The following DMD variants were observed in gnomAD, a reference collection of about 807,000 sequenced individuals.
The protein encoded by DMD is dystrophin.
A neutral mutation model predicts 330.1 loss-of-function variants in DMD; 63 were observed. That is an observed-to-expected ratio of 0.19 (90% CI 0.16 to 0.24). DMD has a LOEUF of 0.24. Ranked by LOEUF, DMD falls within the 10% of genes least tolerant of loss-of-function variation. The probability of loss-of-function intolerance (pLI) is 1.00; values close to 1 mark genes in which losing one functional copy is unlikely to be tolerated. For synonymous variants in DMD, 1,223 were observed against 959.8 expected (o/e 1.27, Z -5.07); for missense variants, 3,344 against 2,684.1 (o/e 1.25, Z -5.43).
chrX:31,368,739 G>A (rs1251880962), intron 60 of DMD, among the ~76,000 whole-genome samples: 2 of 109,169 alleles, frequency 1.8e-5, no homozygotes, highest in East Asian at 3.0e-4. Flanking sequence ...TCTGCCTCCC[G>A]GGTTCAAGAG....
At chrX:31,588,437 G>T (rs1358358858) in intron 55 of DMD, among the ~76,000 whole-genome samples, 1 of 111,302 alleles carries the variant, frequency 9.0e-6, no homozygotes, top group Non-Finnish European at 1.9e-5. Flanking sequence ...CAGACAACCA[G>T]AGACCACTTT....
intron 13 of DMD, among the ~76,000 whole-genome samples, chrX:32,576,305 A>G (rs2053041997): frequency 9.0e-6 from 1 of 111,427 alleles, no homozygotes; most frequent in South Asian, 3.8e-4. Flanking sequence ...CAACCCCAGC[A>G]TGCGATTTTT....
At chrX:32,023,655 A>C (rs1293875) in intron 44 of DMD, among the ~76,000 whole-genome samples, 3,969 of 111,755 alleles carry the variant, frequency 0.036, 67 homozygotes, top group Non-Finnish European at 0.057. Context: ...ACATCACAGC[A>C]CTATTCACAA....
intron 64 of DMD, among the ~76,000 whole-genome samples, chrX:31,218,530 C>T (rs901267044): frequency 1.8e-5 from 2 of 111,792 alleles, no homozygotes; most frequent in Admixed American, 1.9e-4. Flanking sequence ...ACCAGTTAAA[C>T]TTGGCAACTA....
At chrX:31,160,153 C>T (rs998115133) in intron 74 of DMD, among the ~76,000 whole-genome samples, 3 of 110,085 alleles carry the variant, frequency 2.7e-5, no homozygotes, top group African/African-American at 9.9e-5. Context: ...AAAGAACTCC[C>T]GATAGCAAGT....
chrX:32,957,637 A>C (rs182197648), intron 2 of DMD, among the ~76,000 whole-genome samples: 12 of 111,675 alleles, frequency 1.1e-4, no homozygotes, highest in African/African-American at 3.2e-4. Flanking sequence ...TGGAACTCTG[A>C]CAGATATTGT....
chrX:31,451,783 T>C (rs1365840568), intron 59 of DMD, among the ~76,000 whole-genome samples: 1 of 110,195 alleles, frequency 9.1e-6, no homozygotes, highest in Non-Finnish European at 1.9e-5. Context: ...GTATCACTTA[T>C]GCTTCTGGTA....
At chrX:31,728,171 C>T (rs937528058) in intron 52 of DMD, among the ~76,000 whole-genome samples, 4 of 111,556 alleles carry the variant, frequency 3.6e-5, no homozygotes, top group Non-Finnish European at 7.5e-5. Flanking sequence ...TACAGGCGCC[C>T]GCCACCACGC....
At chrX:31,837,490 GA>G (rs1299537080) in intron 48 of DMD, among the ~76,000 whole-genome samples, 1 of 112,096 alleles carries the variant, frequency 8.9e-6, no homozygotes, top group Non-Finnish European at 1.9e-5. Flanking sequence ...CTCTCTTGAT[GA>G]GACGACAAAA....
intron 3 of DMD, among the ~76,000 whole-genome samples, chrX:32,847,076 A>G (rs2080755637): frequency 8.9e-6 from 1 of 112,114 alleles, no homozygotes; most frequent in African/African-American, 3.2e-5. Flanking sequence ...GATTGACAGT[A>G]TACAAGTTTA....
intron 2 of DMD, among the ~76,000 whole-genome samples, chrX:32,875,363 C>T (rs1054475161): frequency 1.8e-5 from 2 of 111,983 alleles, no homozygotes; most frequent in Non-Finnish European, 3.8e-5. Flanking sequence ...CCTTTTCCTC[C>T]AGCCTACACT....
At chrX:33,119,544 T>A (rs1193378384) in intron 1 of DMD, among the ~76,000 whole-genome samples, 1 of 112,156 alleles carries the variant, frequency 8.9e-6, no homozygotes. Flanking sequence ...GAAGAGGCAA[T>A]AGCAGTACAG....
At chrX:33,147,274 G>A (rs980893727) in intron 1 of DMD, among the ~76,000 whole-genome samples, 6 of 111,003 alleles carry the variant, frequency 5.4e-5, no homozygotes, top group African/African-American at 2.0e-4. Flanking sequence ...ATAAAACAGA[G>A]TTATTTTAAA....
intron 18 of DMD, among the ~76,000 whole-genome samples, chrX:32,515,959 T>G (rs1313039185): frequency 9.0e-6 from 1 of 111,680 alleles, no homozygotes; most frequent in Non-Finnish European, 1.9e-5. Context: ...GTTTAAAAGT[T>G]GCATTTTTTA....
chrX:32,907,233 A>C (rs933491964), intron 2 of DMD, among the ~76,000 whole-genome samples: 1 of 112,137 alleles, frequency 8.9e-6, no homozygotes, highest in Non-Finnish European at 1.9e-5. Context: ...CTACTTCAAA[A>C]TGCTTTGTTT....
intron 47 of DMD, among the ~76,000 whole-genome samples, chrX:31,902,237 A>G (rs2094431737): frequency 8.9e-6 from 1 of 111,857 alleles, no homozygotes; most frequent in African/African-American, 3.2e-5. Flanking sequence ...ATTGGTGATT[A>G]TTAAGACGGA....
chrX:31,640,330 G>T (rs1055234665), intron 54 of DMD, among the ~76,000 whole-genome samples: 1 of 112,291 alleles, frequency 8.9e-6, no homozygotes, highest in African/African-American at 3.2e-5. Flanking sequence ...CAACAAACAC[G>T]CTGGAAGGAG....
rs189124933 is a variant in DMD at position 33,019,177 on chromosome X, T to C, written c.93+962A>G. Among the ~76,000 whole-genome samples, 5 of 111,496 alleles carry C rather than the reference T, an allele frequency of 4.5e-5. No individual in the cohort carries two copies. The East Asian group carries it at 1.1e-3, about 25-fold the overall frequency. ...CATGAATTTTACAAAATCAGACCCA[T>C]AGAGGGAGTAATTCATAGCTATTAA... On this transcript the variant is annotated intron_variant, in intron 2 of 78. Transcript: ENST00000357033.
chrX:32,454,980 G>C (rs908304288), intron 25 of DMD, 148 bp from the exon 26 acceptor site: 1 of 605,316 alleles, frequency 1.7e-6, no homozygotes, highest in Non-Finnish European at 2.5e-6. Flanking sequence ...ATAACTCATG[G>C]GGATCAGATA....
Sources: allele counts gnomAD v4.1 joint callset (sites outside exome capture counted in the v4.1 genomes callset), GRCh38; gene constraint gnomAD v4.1.1; transcripts MANE v1.5; gene names NCBI Gene and HGNC (gene_info 2026-07-23, HGNC 2026-07-21).